Variants in ARHGAP17 observed in about 807,000 individuals in gnomAD.
The protein encoded by ARHGAP17 is Rho GTPase activating protein 17.
A neutral mutation model predicts 99.5 loss-of-function variants in ARHGAP17; 57 were observed. The ratio of observed to expected loss-of-function variants is 0.57; its 90% CI spans 0.46 to 0.71. The LOEUF is 0.71. Among genes scored for constraint, ARHGAP17 ranks in the 30% least tolerant of loss-of-function variants. The probability of loss-of-function intolerance (pLI) is 0.00; values close to 1 mark genes in which losing one functional copy is unlikely to be tolerated. For missense variants in ARHGAP17, 1,000 were observed against 1,122.4 expected, an observed-to-expected ratio of 0.89 and a Z score of 1.56; for synonymous variants, 417 against 429.6, an observed-to-expected ratio of 0.97 and a Z score of 0.36.
At chr16:25,009,766 G>A (rs1338456299) in intron 1 of ARHGAP17, among the ~76,000 whole-genome samples, 5 of 152,152 alleles carry the variant, frequency 3.3e-5, no homozygotes, top group Non-Finnish European at 7.3e-5. Context: ...TCTGTCTCTT[G>A]CGAGCTTGAT....
At chr16:25,015,153 C>T in intron 1 of ARHGAP17, 56 bp downstream of exon 1, 1 of 1,229,618 alleles carries the variant, frequency 8.1e-7, no homozygotes, top group Non-Finnish European at 1.0e-6. Context: ...GCCCCCGCGC[C>T]CTCCGCCCTC....
At chr16:24,981,430 C>G (rs917104599) in intron 1 of ARHGAP17, among the ~76,000 whole-genome samples, 2 of 151,982 alleles carry the variant, frequency 1.3e-5, no homozygotes, top group Non-Finnish European at 2.9e-5. Flanking sequence ...AAAATTATAA[C>G]TGTATTGAAA....
chr16:24,923,727 TAAAAAAAAAAA>T lies in ARHGAP17; in HGVS notation c.2516-3478_2516-3468del, dbSNP rs1160793042. Among the ~76,000 whole-genome samples, 64 of 119,900 alleles carry T rather than the reference TAAAAAAAAAAA, an allele frequency of 5.3e-4. 2 individuals carry two copies. Among genetic ancestry groups the T allele is most frequent in the African/African-American group, 2.0e-3 (61 of 30,364 alleles). The allele number at this position is 119,900 out of a possible 152,430, so 78.7% of individuals were successfully genotyped here. ...AGCAAGACCCTGTCTCTCTTTTTTT[TAAAAAAAAAAA>T]AAAAAAAAAAGAGAGAAACAGAGGA... On this transcript the variant is annotated intron_variant, in intron 19 of 19. Coordinates refer to ENST00000289968, the MANE Select transcript of ARHGAP17 (RefSeq NM_001006634.3).
chr16:24,958,260 C>A (rs949687882), intron 9 of ARHGAP17, among the ~76,000 whole-genome samples: 2 of 138,150 alleles, frequency 1.4e-5, no homozygotes, highest in African/African-American at 5.7e-5. Context: ...AAACAAAATG[C>A]GAAAAAAAAT....
intron 4 of ARHGAP17, among the ~76,000 whole-genome samples, chr16:24,969,249 A>T (rs1293274286): frequency 6.6e-6 from 1 of 152,258 alleles, no homozygotes; most frequent in East Asian, 1.9e-4. Context: ...GCTTGCGAAC[A>T]TGCAGCTGAT....
At chr16:24,930,037 T>C (rs1028934274) in intron 19 of ARHGAP17, among the ~76,000 whole-genome samples, 9 of 152,200 alleles carry the variant, frequency 5.9e-5, no homozygotes, top group Admixed American at 5.9e-4. Flanking sequence ...AATTAAATAA[T>C]AAATTAGAGC....
At chr16:24,981,469 G>A (rs1268870153) in intron 1 of ARHGAP17, among the ~76,000 whole-genome samples, 1 of 152,094 alleles carries the variant, frequency 6.6e-6, no homozygotes, top group African/African-American at 2.4e-5. Flanking sequence ...CAGAGGGAAA[G>A]GGCCCTAAAC....
chr16:24,987,472 G>A (rs1213429292), intron 1 of ARHGAP17, among the ~76,000 whole-genome samples: 1 of 152,194 alleles, frequency 6.6e-6, no homozygotes, highest in East Asian at 1.9e-4. Flanking sequence ...TACTCAGAAG[G>A]GGGATTTCTA....
At chr16:24,964,399 A>G in intron 6 of ARHGAP17, 91 bp from the exon 7 acceptor site, 1 of 849,304 alleles carries the variant, frequency 1.2e-6, no homozygotes, top group Non-Finnish European at 1.9e-6. Context: ...ATCCTTCCCC[A>G]CAATTGATTC....
chr16:25,009,510 G>A (rs566947069), intron 1 of ARHGAP17, among the ~76,000 whole-genome samples: 25 of 152,324 alleles, frequency 1.6e-4, no homozygotes, highest in Admixed American at 3.9e-4. Flanking sequence ...TACAGGCAGG[G>A]CTGACTCAGG....
intron 7 of ARHGAP17, 97 bp downstream of exon 7, chr16:24,964,100 G>A: frequency 1.3e-6 from 1 of 772,192 alleles, no homozygotes; most frequent in Admixed American, 3.0e-5. Context: ...AAAATATTCT[G>A]ATAGAAATTA....
At chr16:24,933,438 C>T (rs533840099) in intron 18 of ARHGAP17, among the ~76,000 whole-genome samples, 30 of 151,452 alleles carry the variant, frequency 2.0e-4, no homozygotes, top group African/African-American at 6.8e-4. Context: ...GCTATTATCA[C>T]GCCACTGCAT....
intron 4 of ARHGAP17, among the ~76,000 whole-genome samples, 157 bp from the exon 5 acceptor site, chr16:24,968,929 A>G (rs2052278281): frequency 6.6e-6 from 1 of 152,212 alleles, no homozygotes; most frequent in South Asian, 2.1e-4. Flanking sequence ...TGCCTAAAAC[A>G]TGAGTCCACA....
chr16:25,015,191 G>T lies in ARHGAP17; in HGVS notation c.53+18C>A. The stretch of plus-strand genomic sequence containing the variant: ...CCCCCAGCCCCGGTGCGACCCCCGT[G>T]CTGCCCGGCGCACTCGCCTGCCCAC... On this transcript the variant is annotated intron_variant, in intron 1 of 19. Transcript: ENST00000289968. The T allele has an allele frequency of 2.3e-6, 3 of 1,305,574 alleles. No homozygotes were observed. Among genetic ancestry groups the T allele is most frequent in the Non-Finnish European group, 2.9e-6 (3 of 1,021,624 alleles). 80.9% of individuals were successfully genotyped at this position (1,305,574 alleles called of 1,614,324 possible). A position where few individuals can be genotyped will look rare whatever the true frequency, so the allele number is the denominator to read the frequency against.
At chr16:24,926,272 T>C (rs191761119) in intron 19 of ARHGAP17, among the ~76,000 whole-genome samples, 7 of 152,224 alleles carry the variant, frequency 4.6e-5, no homozygotes, top group Admixed American at 2.6e-4. Flanking sequence ...CTTATTTTTA[T>C]TTATTTGAGA....
At chr16:24,925,514 A>T (rs2050816928) in intron 19 of ARHGAP17, among the ~76,000 whole-genome samples, 1 of 152,114 alleles carries the variant, frequency 6.6e-6, no homozygotes, top group Non-Finnish European at 1.5e-5. Flanking sequence ...GCTATTAGAG[A>T]CTCTGAGTCA....
intron 1 of ARHGAP17, among the ~76,000 whole-genome samples, chr16:25,000,427 G>A (rs1331163316): frequency 6.6e-6 from 1 of 152,184 alleles, no homozygotes; most frequent in African/African-American, 2.4e-5. Flanking sequence ...AGCATTGCTT[G>A]GACAACTGGC....
intron 18 of ARHGAP17, among the ~76,000 whole-genome samples, chr16:24,934,300 A>C (rs899739454): frequency 2.6e-5 from 4 of 152,038 alleles, no homozygotes; most frequent in Non-Finnish European, 5.9e-5. Flanking sequence ...AGCTGGGACC[A>C]CAGGCGTGCA....
At chr16:25,001,265 C>CA (rs56068079) in intron 1 of ARHGAP17, among the ~76,000 whole-genome samples, 6,053 of 150,252 alleles carry the variant, frequency 0.04, 336 homozygotes, top group African/African-American at 0.12. Flanking sequence ...ATTTAAAAAA[C>CA]AAAAAAAAAT....
Sources: allele counts gnomAD v4.1 joint callset (sites outside exome capture counted in the v4.1 genomes callset), GRCh38; gene constraint gnomAD v4.1.1; transcripts MANE v1.5; gene names NCBI Gene and HGNC (gene_info 2026-07-23, HGNC 2026-07-21).